DIS3L2: variants seen among roughly 807,000 people sequenced by gnomAD.
DIS3L2 encodes the protein DIS3 like 3'-5' exoribonuclease 2.
Under a neutral mutation model 97.5 loss-of-function variants are expected in DIS3L2, and 34 were observed. The ratio of observed to expected loss-of-function variants is 0.35; its 90% CI spans 0.27 to 0.46. DIS3L2 has a LOEUF of 0.46. Ranked by LOEUF, DIS3L2 falls within the 20% of genes least tolerant of loss-of-function variation. DIS3L2 has a pLI of 1.00. For missense variants in DIS3L2, 1,038 were observed against 1,146.0 expected, an observed-to-expected ratio of 0.91 and a Z score of 1.36; for synonymous variants, 435 against 445.2, an observed-to-expected ratio of 0.98 and a Z score of 0.29.
At position 232,217,536 on chromosome 2, in the gene DIS3L2, A is replaced by G. The variant is rs147334584; in HGVS notation, c.1204+7131A>G. Among the ~76,000 whole-genome samples the G allele has an allele frequency of 9.3e-3, 1,423 of 152,312 alleles. 17 individuals carry two copies. Among genetic ancestry groups the G allele is most frequent in the African/African-American group, 0.032 (1,337 of 41,562 alleles). On this transcript the variant is annotated intron_variant, in intron 10 of 20. Coordinates refer to ENST00000325385, the MANE Select transcript of DIS3L2 (RefSeq NM_152383.5). ...AGACTGCCTCACGCTTCTGATGCCAATTGCAGGCTCCAGGGTGGTTTACTG... is the reference window on the plus strand; with the variant it reads ...AGACTGCCTCACGCTTCTGATGCCAGTTGCAGGCTCCAGGGTGGTTTACTG...
intron 1 of DIS3L2, among the ~76,000 whole-genome samples, chr2:232,006,710 C>G (rs1011014346): frequency 2.0e-5 from 3 of 151,496 alleles, no homozygotes; most frequent in African/African-American, 7.3e-5. Context: ...TGGTAGAAAC[C>G]GAAGAGGTAA....
At chr2:232,332,919 T>C (rs539645246) in intron 16 of DIS3L2, among the ~76,000 whole-genome samples, 7 of 152,032 alleles carry the variant, frequency 4.6e-5, no homozygotes, top group African/African-American at 1.7e-4. Flanking sequence ...GAGGCCCGTA[T>C]TGCACAGGGC....
Position 232,293,872 on chromosome 2 carries a change from G to A in DIS3L2, c.1660-6168G>A, listed in dbSNP as rs1336588263. ...AAATAACAGCTATGTTCTAGAGAGCGGATTAGGAGAACATAGCCAAGGGAG... is the reference window on the plus strand; with the variant it reads ...AAATAACAGCTATGTTCTAGAGAGCAGATTAGGAGAACATAGCCAAGGGAG... On this transcript the variant is annotated intron_variant, in intron 13 of 20. Transcript: ENST00000325385. The surrounding 1 kb of genome is among the most constrained non-coding windows in gnomAD (Gnocchi z 4.6). 3.9e-5 allele frequency among the ~76,000 whole-genome samples: 6 copies of A among 152,212 alleles called. No individual in the cohort carries two copies. The highest frequency in any genetic ancestry group is 5.9e-5 in the Non-Finnish European group (4 of 68,052).
At chr2:232,326,396 G>A (rs1695575917) in intron 14 of DIS3L2, among the ~76,000 whole-genome samples, 2 of 152,010 alleles carry the variant, frequency 1.3e-5, no homozygotes, top group African/African-American at 4.8e-5. Context: ...GCTGGCAGCT[G>A]GGCTTGGCCT....
At chr2:232,147,342 C>A (rs935509136) in intron 8 of DIS3L2, among the ~76,000 whole-genome samples, 3 of 152,126 alleles carry the variant, frequency 2.0e-5, no homozygotes, top group Non-Finnish European at 4.4e-5. Context: ...ACAGTTCTCA[C>A]CTGCCCCTTC....
At chr2:232,314,800 T>A (rs1341039269) in intron 14 of DIS3L2, among the ~76,000 whole-genome samples, 1 of 152,236 alleles carries the variant, frequency 6.6e-6, no homozygotes, top group African/African-American at 2.4e-5. Context: ...CAATCCAGCA[T>A]GACTCGGAGC....
At chr2:232,273,394 T>C (rs1295578869) in intron 13 of DIS3L2, among the ~76,000 whole-genome samples, 1 of 152,194 alleles carries the variant, frequency 6.6e-6, no homozygotes, top group South Asian at 2.1e-4. Context: ...ACTATACATA[T>C]TGATCTTTTA....
At chr2:232,138,129 A>C (rs145661944) in intron 8 of DIS3L2, among the ~76,000 whole-genome samples, 116 of 152,326 alleles carry the variant, frequency 7.6e-4, no homozygotes, top group East Asian at 6.9e-3. Context: ...GGGTGTAGTC[A>C]GGAAATCTTC....
intron 18 of DIS3L2, 21 bp downstream of exon 18, chr2:232,334,520 C>T: frequency 6.2e-7 from 1 of 1,612,790 alleles, no homozygotes; most frequent in Non-Finnish European, 8.5e-7. Context: ...CAGCCTGGTG[C>T]CCCTCACCTC....
At position 232,154,767 on chromosome 2, in the gene DIS3L2, C is replaced by G. The variant is rs934699592; in HGVS notation, c.951-8692C>G. On this transcript the variant is annotated intron_variant, in intron 8 of 20. Transcript: ENST00000325385. ...TTCCCAGCTGCTTTGTTTACCTAAG[C>G]AAGCCTGGGCAATGGCGGGCGCCCC... Among the ~76,000 whole-genome samples, 5 of 149,002 alleles carry G rather than the reference C, an allele frequency of 3.4e-5. No homozygotes were observed. In the East Asian group the frequency reaches 5.9e-4, roughly 18 times the overall value.
intron 1 of DIS3L2, among the ~76,000 whole-genome samples, chr2:231,997,438 G>T (rs570232934): frequency 6.6e-6 from 1 of 152,168 alleles, no homozygotes; most frequent in Non-Finnish European, 1.5e-5. Flanking sequence ...ATTTGAGCTT[G>T]CAGCTAATAA....
At chr2:232,266,090 C>A (rs1693851469) in intron 13 of DIS3L2, among the ~76,000 whole-genome samples, 1 of 152,198 alleles carries the variant, frequency 6.6e-6, no homozygotes, top group African/African-American at 2.4e-5. Flanking sequence ...CTTTACCCCA[C>A]CAGTTTGTTG....
At chr2:232,270,099 GCACATGGTAGTACCA>G (rs1189078707) in intron 13 of DIS3L2, among the ~76,000 whole-genome samples, 1 of 152,110 alleles carries the variant, frequency 6.6e-6, no homozygotes. Flanking sequence ...TCCAGTTTAG[GCACATGGTAGTACCA>G]CCTGGGGACA....
chr2:232,148,772 T>TTA (rs1553611302), intron 8 of DIS3L2, among the ~76,000 whole-genome samples: 3 of 135,364 alleles, frequency 2.2e-5, no homozygotes, highest in Admixed American at 8.1e-5. Flanking sequence ...TTTTTTTTTT[T>TTA]ACACAGCCTT....
chr2:232,081,343 C>T (rs979621857), intron 5 of DIS3L2, among the ~76,000 whole-genome samples: 9 of 152,170 alleles, frequency 5.9e-5, no homozygotes, highest in African/African-American at 2.2e-4. Context: ...ATTATTACCT[C>T]TCTGGTCCAC....
At chr2:232,300,210 G>C in intron 14 of DIS3L2, 91 bp downstream of exon 14, 1 of 1,269,830 alleles carries the variant, frequency 7.9e-7, no homozygotes, top group Non-Finnish European at 1.1e-6. Context: ...ATTGCTAAGT[G>C]GTTGTCAGGA....
Position 232,238,538 on chromosome 2 carries a change from T to G in DIS3L2, c.1210T>G (p.Phe404Val). Residue 404 changes from phenylalanine (F) to valine (V), a missense_variant, in exon 11 of 21, where the codon TTC becomes GTC. By Grantham distance (50) the Phe-to-Val change is conservative. Around this residue, in one of 3 missense-constraint regions of DIS3L2, gnomAD observed 813 missense variants for 880.1 expected, o/e 0.92. Coordinates refer to ENST00000325385, the MANE Select transcript of DIS3L2 (RefSeq NM_152383.5). ...LSCKPLADGN[F>V]KVGVHIADVS... ...TCCTTCTCGTGCATTTACAGGCAACTTCAAAGTGGGAGTTCACATTGCTGA... is the reference window on the plus strand; with the variant it reads ...TCCTTCTCGTGCATTTACAGGCAACGTCAAAGTGGGAGTTCACATTGCTGA... 6.2e-7 allele frequency: 1 copy of G among 1,614,018 alleles called. No individual in the cohort carries two copies. The highest frequency in any genetic ancestry group is 8.5e-7 in the Non-Finnish European group (1 of 1,179,966).
chr2:231,983,377 G>A lies in DIS3L2; in HGVS notation c.-94+21612G>A, dbSNP rs574778122. On this transcript the variant is annotated intron_variant, in intron 1 of 20. Transcript: ENST00000325385. ...CATGTCTCTGTTAGCCTGTGTTGGT[G>A]GCTGGTAATCTTTGGCTTGTAAAAC... is the stretch of plus-strand genomic sequence containing the variant. Among the ~76,000 whole-genome samples the A allele has an allele frequency of 2.3e-3, 346 of 152,296 alleles. 2 individuals carry two copies. The highest frequency in any genetic ancestry group is 8.2e-3 in the African/African-American group (339 of 41,560).
chr2:232,175,976 A>C (rs1254490208), intron 9 of DIS3L2, among the ~76,000 whole-genome samples: 1 of 152,078 alleles, frequency 6.6e-6, no homozygotes, highest in East Asian at 1.9e-4. Flanking sequence ...TGCAACCTCC[A>C]CTTCCTGGGT....
Sources: gnomAD v4.1 joint callset for allele counts (sites outside exome capture counted in the v4.1 genomes callset) on GRCh38, gnomAD v4.1.1 for gene constraint, gnomAD v4.1.1 regional missense constraint, Gnocchi (gnomAD v3.1) non-coding constraint, MANE v1.5 for transcripts, NCBI Gene and HGNC (gene_info 2026-07-23, HGNC 2026-07-21) for gene names.